The following HSD17B11 variants were observed in gnomAD, a reference collection of about 807,000 sequenced individuals.
HSD17B11 encodes the protein estradiol 17-beta-dehydrogenase 11.
In HSD17B11, 22 loss-of-function variants were observed where a neutral mutation model predicts 27.8. The observed-to-expected ratio is 0.79, with a 90% CI of 0.56 to 1.13. HSD17B11 has a LOEUF of 1.13. Ranked by LOEUF, HSD17B11 falls within the 50% of genes most tolerant of loss-of-function variation. The probability of loss-of-function intolerance (pLI) is 0.00; values close to 1 mark genes in which losing one functional copy is unlikely to be tolerated. For missense variants in HSD17B11, 314 were observed against 351.1 expected (o/e 0.89, Z 0.84); for synonymous variants, 117 against 132.8 (o/e 0.88, Z 0.82).
intron 5 of HSD17B11, among the ~76,000 whole-genome samples, chr4:87,356,989 G>C (rs1735397884): frequency 6.6e-6 from 1 of 152,150 alleles, no homozygotes; most frequent in Non-Finnish European, 1.5e-5. Context: ...AAGCACACCT[G>C]GTGACATGTA....
chr4:87,381,290 A>G (rs1434027228), intron 2 of HSD17B11, among the ~76,000 whole-genome samples: 1 of 152,070 alleles, frequency 6.6e-6, no homozygotes, highest in Admixed American at 6.6e-5. Context: ...GAATTAGAAT[A>G]TCCAGGGGTA....
At chr4:87,383,885 T>A (rs953088017) in intron 1 of HSD17B11, among the ~76,000 whole-genome samples, 5 of 152,056 alleles carry the variant, frequency 3.3e-5, no homozygotes, top group African/African-American at 1.2e-4. Context: ...TGACAAAAAC[T>A]GCAATTACTT....
chr4:87,374,606 AT>A, intron 3 of HSD17B11, 92 bp downstream of exon 3: 1 of 1,268,822 alleles, frequency 7.9e-7, no homozygotes, highest in Non-Finnish European at 1.1e-6. Flanking sequence ...AAACTTTAGC[AT>A]TGATTTAATA....
Position 87,382,362 on chromosome 4 carries a change from G to T in HSD17B11, c.211C>A (p.His71Asn), listed in dbSNP as rs1200911010. ...SKLVLWDINK[H>N]GLEETAAKCK... ...TTGGCAGCTGTTTCCTCCAGTCCAT[G>T]CTAGAAAAAGCAAAAAAGAGGGCAA... Residue 71 changes from histidine to asparagine, a missense_variant and splice_region_variant, in exon 2 of 7, where the codon CAT becomes AAT. Coordinates refer to ENST00000358290, the MANE Select transcript of HSD17B11 (RefSeq NM_016245.5). 1.1e-5 allele frequency: 17 copies of T among 1,605,264 alleles called. No individual in the cohort carries two copies. Among genetic ancestry groups the T allele is most frequent in the Non-Finnish European group, 1.4e-5 (17 of 1,172,430 alleles).
intron 5 of HSD17B11, among the ~76,000 whole-genome samples, chr4:87,346,524 C>T (rs1735273204): frequency 6.6e-6 from 1 of 152,064 alleles, no homozygotes; most frequent in Admixed American, 6.5e-5. Context: ...GTGGCACGCA[C>T]CTGTACTCCC....
intron 4 of HSD17B11, among the ~76,000 whole-genome samples, chr4:87,370,056 A>G (rs1467520421): frequency 6.6e-6 from 1 of 152,218 alleles, no homozygotes; most frequent in African/African-American, 2.4e-5. Context: ...TTTTTTTCCT[A>G]AGATAGGCTA....
intron 1 of HSD17B11, among the ~76,000 whole-genome samples, chr4:87,384,513 T>C (rs1305509192): frequency 2.0e-5 from 3 of 152,184 alleles, no homozygotes; most frequent in Non-Finnish European, 4.4e-5. Context: ...AGGAGAGATA[T>C]TGCTAAATTC....
chr4:87,362,843 G>A (rs1200450968), intron 4 of HSD17B11, among the ~76,000 whole-genome samples: 1 of 152,168 alleles, frequency 6.6e-6, no homozygotes, highest in Admixed American at 6.5e-5. Context: ...TGCAATAGGT[G>A]GGTCTTTCTC....
chr4:87,340,582 C>T lies in HSD17B11; in HGVS notation c.720G>A (p.Glu240=). 8.1e-6 allele frequency: 13 copies of T among 1,613,078 alleles called. No homozygotes were observed. Among genetic ancestry groups the T allele is most frequent in the African/African-American group, 1.3e-5 (1 of 75,004 alleles). The part of the protein sequence containing the change: ...STSLGPTLEP[E]EVVNRLMHGI... Reference sequence around the variant, plus strand: ...CATGCATCAGCCTGTTTACCACTTCCTCAGGTTCCAGAGTGGGTCCCAAAC... The same window carrying T: ...CATGCATCAGCCTGTTTACCACTTCTTCAGGTTCCAGAGTGGGTCCCAAAC... The change falls in exon 6 of 7, where the codon GAG becomes GAA. Residue 240 remains glutamate (E), a synonymous_variant. Coordinates refer to ENST00000358290, the MANE Select transcript of HSD17B11 (RefSeq NM_016245.5).
chr4:87,338,450 G>A (rs1295801809), intron 6 of HSD17B11, among the ~76,000 whole-genome samples: 1 of 152,080 alleles, frequency 6.6e-6, no homozygotes, highest in Non-Finnish European at 1.5e-5. Flanking sequence ...CAAGAATTAG[G>A]GCAATGATAA....
intron 4 of HSD17B11, among the ~76,000 whole-genome samples, chr4:87,368,799 C>G (rs1322274463): frequency 6.6e-6 from 1 of 152,200 alleles, no homozygotes; most frequent in African/African-American, 2.4e-5. Flanking sequence ...TACACTCCCA[C>G]CAGCGCATGA....
intron 2 of HSD17B11, among the ~76,000 whole-genome samples, chr4:87,378,480 A>C (rs1219196707): frequency 6.6e-6 from 1 of 152,058 alleles, no homozygotes; most frequent in Admixed American, 6.6e-5. Context: ...TTTGTGTTAC[A>C]AACAATCCAA....
Position 87,357,377 on chromosome 4 carries a change from CAA to C in HSD17B11, c.595_596del (p.Leu199AspfsTer3). 2 of 1,613,632 alleles carry C rather than the reference CAA, an allele frequency of 1.2e-6. No homozygotes were observed. The highest frequency in any genetic ancestry group is 8.5e-7 in the Non-Finnish European group (1 of 1,179,852). ...TTTGTAAGGCAGCCAGTTCATCTGTCAAAGTTTTATGAAATCCAACAGCAGCA... is the reference window on the plus strand; with the variant it reads ...TTTGTAAGGCAGCCAGTTCATCTGTCAGTTTTATGAAATCCAACAGCAGCA... ...KFAAVGFHKT[L>X]TDELAALQIT... On this transcript the variant is annotated frameshift_variant, in exon 5 of 7. Transcript: ENST00000358290. LOFTEE classifies it high-confidence loss of function.
At chr4:87,375,082 A>G (rs771617644) in intron 2 of HSD17B11, among the ~76,000 whole-genome samples, 3 of 152,104 alleles carry the variant, frequency 2.0e-5, no homozygotes, top group Non-Finnish European at 4.4e-5. Context: ...TATTTTTAGT[A>G]GAGATTGGAT....
intron 6 of HSD17B11, among the ~76,000 whole-genome samples, chr4:87,337,750 C>A (rs183901126): frequency 3.3e-5 from 5 of 152,236 alleles, no homozygotes; most frequent in African/African-American, 1.2e-4. Flanking sequence ...AAATGTTCCA[C>A]TAAGAGACTG....
At chr4:87,341,744 T>C (rs1164537978) in intron 5 of HSD17B11, among the ~76,000 whole-genome samples, 1 of 151,968 alleles carries the variant, frequency 6.6e-6, no homozygotes, top group Non-Finnish European at 1.5e-5. Flanking sequence ...TGCACTCTTG[T>C]AGTGCTAGCT....
At chr4:87,339,359 GT>G (rs1245534026) in intron 6 of HSD17B11, among the ~76,000 whole-genome samples, 1 of 152,228 alleles carries the variant, frequency 6.6e-6, no homozygotes, top group Non-Finnish European at 1.5e-5. Context: ...CATTTCTTGA[GT>G]TTTTTGCTCT....
At chr4:87,369,962 C>T (rs1343614944) in intron 4 of HSD17B11, among the ~76,000 whole-genome samples, 1 of 152,162 alleles carries the variant, frequency 6.6e-6, no homozygotes, top group African/African-American at 2.4e-5. Flanking sequence ...CTTCACCTTC[C>T]ACCATAAATC....
intron 2 of HSD17B11, among the ~76,000 whole-genome samples, chr4:87,381,252 T>C (rs1368014099): frequency 1.3e-5 from 2 of 151,708 alleles, no homozygotes; most frequent in East Asian, 3.9e-4. Context: ...TCTCAAGTCT[T>C]GCTGAATCAC....
Sources: gnomAD v4.1 joint callset for allele counts (sites outside exome capture counted in the v4.1 genomes callset) on GRCh38, gnomAD v4.1.1 for gene constraint, MANE v1.5 for transcripts, NCBI Gene and HGNC (gene_info 2026-07-23, HGNC 2026-07-21) for gene names.